LRP2: variants seen among roughly 807,000 people sequenced by gnomAD.
The protein encoded by LRP2 is LDL receptor related protein 2.
LRP2 carries 172 observed loss-of-function variants against 531.0 expected under a neutral mutation model. The ratio of observed to expected loss-of-function variants is 0.32; its 90% confidence interval spans 0.29 to 0.37. LRP2 has a LOEUF of 0.37. LRP2 is among the 10% of genes least tolerant of loss of function. The pLI is 1.00. For missense variants in LRP2, 5,167 were observed against 5,868.3 expected, an observed-to-expected ratio of 0.88 and a Z score of 3.90; for synonymous variants, 1,992 against 2,027.6, an observed-to-expected ratio of 0.98 and a Z score of 0.47.
intron 1 of LRP2, among the ~76,000 whole-genome samples, chr2:169,350,505 C>G (rs1020520370): frequency 6.6e-6 from 1 of 151,978 alleles, no homozygotes. Context: ...AGGAGGATGA[C>G]TTGAGGTCAG....
chr2:169,311,871 A>C (rs1319157707), intron 3 of LRP2, among the ~76,000 whole-genome samples: 1 of 152,106 alleles, frequency 6.6e-6, no homozygotes, highest in African/African-American at 2.4e-5. Flanking sequence ...TTGCTTTATG[A>C]ATCTGGGTGC....
At chr2:169,199,618 ACAGCAATAGATAAAG>A (rs1477787708) in intron 44 of LRP2, among the ~76,000 whole-genome samples, 2 of 152,208 alleles carry the variant, frequency 1.3e-5, no homozygotes, top group African/African-American at 4.8e-5. Flanking sequence ...AAATTTGGAA[ACAGCAATAGATAAAG>A]CTAACTATAT....
intron 63 of LRP2, among the ~76,000 whole-genome samples, chr2:169,160,332 G>T (rs1375463242): frequency 2.0e-4 from 30 of 152,154 alleles, no homozygotes; most frequent in Admixed American, 2.0e-3. Flanking sequence ...ATGTTAATTT[G>T]CTTGATTATA....
chr2:169,338,409 A>AAAGAAAGG (rs1165724071), intron 1 of LRP2, among the ~76,000 whole-genome samples: 1 of 100,806 alleles, frequency 9.9e-6, no homozygotes, highest in Non-Finnish European at 2.1e-5. Flanking sequence ...AGAAAGAAAG[A>AAAGAAAGG]AAAGAAAAGA....
chr2:169,177,994 G>T lies in LRP2; in HGVS notation c.10202C>A (p.Thr3401Lys), dbSNP rs200563635. Residue 3401 changes from threonine to lysine, a missense_variant, in exon 53 of 79, where the codon ACG becomes AAG. Physicochemically the swap from Thr to Lys is moderately conservative, Grantham distance 78. This residue lies in a region of LRP2 where 1,129 missense variants were observed against 1,362.7 expected (regional missense o/e 0.83). Coordinates refer to ENST00000649046, the MANE Select transcript of LRP2 (RefSeq NM_004525.3). Reference protein sequence around the residue: ...YSDLEGHHRHTVYDGALPHPF... With the variant: ...YSDLEGHHRHKVYDGALPHPF... ...GTGAGGCAGTGCCCCATCATACACC[G>T]TGTGTCGATGGTGGCCCTCCAAATC... 4 of 1,613,824 alleles carry T rather than the reference G, an allele frequency of 2.5e-6. No homozygotes were observed. The highest frequency in any genetic ancestry group is 1.3e-5 in the African/African-American group (1 of 74,922).
chr2:169,307,521 A>G, intron 3 of LRP2, 124 bp from the exon 4 acceptor site: 1 of 698,754 alleles, frequency 1.4e-6, no homozygotes, highest in Admixed American at 2.0e-5. Context: ...GTACCTGGCT[A>G]CCACCAAGCT....
intron 1 of LRP2, among the ~76,000 whole-genome samples, chr2:169,351,061 A>G (rs1685833944): frequency 6.6e-6 from 1 of 152,222 alleles, no homozygotes. Flanking sequence ...TAGGCCAGCA[A>G]GGAAGAAAAG....
At chr2:169,186,182 A>G (rs1027351269) in intron 49 of LRP2, among the ~76,000 whole-genome samples, 163 bp from the exon 50 acceptor site, 4 of 152,154 alleles carry the variant, frequency 2.6e-5, no homozygotes, top group East Asian at 1.9e-4. Flanking sequence ...AAAAGTCACT[A>G]TTTTTCAACT....
chr2:169,304,680 A>G (rs1462057775), intron 4 of LRP2, among the ~76,000 whole-genome samples: 1 of 152,152 alleles, frequency 6.6e-6, no homozygotes, highest in East Asian at 1.9e-4. Flanking sequence ...GTTTAGTCTA[A>G]ATTCTTTGCA....
At chr2:169,207,996 A>C (rs1030611071) in intron 38 of LRP2, among the ~76,000 whole-genome samples, 1 of 152,208 alleles carries the variant, frequency 6.6e-6, no homozygotes, top group Non-Finnish European at 1.5e-5. Flanking sequence ...AATCAGGCCA[A>C]TGTGAAATAT....
chr2:169,220,494 C>A lies in LRP2; in HGVS notation c.5608G>T (p.Val1870Phe). 1 of 1,613,666 alleles carries A rather than the reference C, an allele frequency of 6.2e-7. No homozygotes were observed. Among genetic ancestry groups the A allele is most frequent in the Non-Finnish European group, 8.5e-7 (1 of 1,179,706 alleles). Reference protein sequence around the residue: ...LIANDGTALGVGFPIGITVDP... With the variant: ...LIANDGTALGFGFPIGITVDP... ...ACAGTTATGCCAATTGGAAAGCCAA[C>A]TCCAAGAGCTGTCCCATCATTGGCA... The change falls in exon 34 of 79, where the codon GTT becomes TTT. Residue 1870 changes from valine (V) to phenylalanine (F), a missense_variant. Val to Phe is a conservative substitution (Grantham distance 50). Transcript: ENST00000649046.
chr2:169,297,476 C>G (rs1401238741), intron 4 of LRP2, among the ~76,000 whole-genome samples: 1 of 152,112 alleles, frequency 6.6e-6, no homozygotes, highest in Non-Finnish European at 1.5e-5. Flanking sequence ...ATGGAAAGAT[C>G]AACAAGTAGC....
At chr2:169,319,822 C>T (rs1472430605) in intron 2 of LRP2, among the ~76,000 whole-genome samples, 1 of 152,168 alleles carries the variant, frequency 6.6e-6, no homozygotes, top group African/African-American at 2.4e-5. Context: ...CCTGGGTGAT[C>T]CATTTGTGCA....
At position 169,294,802 on chromosome 2, in the gene LRP2, T is replaced by C. The variant is rs920736540; in HGVS notation, c.428-92A>G. The C allele has an allele frequency of 1.7e-5, 13 of 772,928 alleles. No individual in the cohort carries two copies. The African/African-American group carries it at 2.3e-4, about 14-fold the overall frequency. 47.9% of individuals were successfully genotyped at this position (772,928 alleles called of 1,614,324 possible). ...CAGCAAACATTTATTGAGTGATTAC[T>C]ATATGCAAGTCACTAAATGCATATA... On this transcript the variant is annotated intron_variant, in intron 4 of 78. Transcript: ENST00000649046.
intron 1 of LRP2, among the ~76,000 whole-genome samples, chr2:169,338,233 G>A (rs1685458870): frequency 2.2e-5 from 3 of 136,100 alleles, no homozygotes; most frequent in Admixed American, 1.5e-4. Context: ...AAGGAAGGAG[G>A]GAAGGGAAGG....
At chr2:169,258,966 T>C in intron 17 of LRP2, 59 bp downstream of exon 17, 1 of 1,492,388 alleles carries the variant, frequency 6.7e-7, no homozygotes, top group Admixed American at 1.7e-5. Context: ...GGCATCACTT[T>C]TCAATGACTG....
At chr2:169,337,201 C>T (rs780344172) in intron 1 of LRP2, among the ~76,000 whole-genome samples, 1 of 152,142 alleles carries the variant, frequency 6.6e-6, no homozygotes. Context: ...AAGCCTTCTA[C>T]GGGTGTTTGC....
At chr2:169,155,699 T>G (rs1686304099) in intron 65 of LRP2, among the ~76,000 whole-genome samples, 1 of 152,208 alleles carries the variant, frequency 6.6e-6, no homozygotes, top group South Asian at 2.1e-4. Flanking sequence ...TAGGCCCGAT[T>G]GTCAGACACT....
At chr2:169,191,019 C>A (rs995516392) in intron 48 of LRP2, among the ~76,000 whole-genome samples, 4 of 152,140 alleles carry the variant, frequency 2.6e-5, no homozygotes, top group African/African-American at 9.7e-5. Context: ...CAGGAGAGGT[C>A]CCCCAAACCA....
Sources: gnomAD v4.1 joint callset for allele counts (sites outside exome capture counted in the v4.1 genomes callset) on GRCh38, gnomAD v4.1.1 for gene constraint, gnomAD v4.1.1 regional missense constraint, MANE v1.5 for transcripts, NCBI Gene and HGNC (gene_info 2026-07-23, HGNC 2026-07-21) for gene names.